Variants in DLGAP2 observed in about 807,000 individuals in gnomAD.
DLGAP2 encodes the protein DLG associated protein 2.
A neutral mutation model predicts 100.3 loss-of-function variants in DLGAP2; 26 were observed. The ratio of observed to expected loss-of-function variants is 0.26; its 90% CI spans 0.19 to 0.36. The LOEUF (loss-of-function observed/expected upper bound fraction) is 0.36, where lower values mean the gene tolerates loss of function less well. Among genes scored for constraint, DLGAP2 ranks in the 10% least tolerant of loss-of-function variants. The pLI is 1.00. For synonymous variants in DLGAP2, 886 were observed against 630.1 expected, an observed-to-expected ratio of 1.41 and a Z score of -6.08; for missense variants, 1,858 against 1,453.2, an observed-to-expected ratio of 1.28 and a Z score of -4.53.
At chr8:1,476,973 T>C (rs1410142591) in intron 3 of DLGAP2, among the ~76,000 whole-genome samples, 3 of 152,068 alleles carry the variant, frequency 2.0e-5, no homozygotes, top group African/African-American at 7.2e-5. Context: ...GACATTGTGA[T>C]CTGTATGCTT....
intron 1 of DLGAP2, among the ~76,000 whole-genome samples, chr8:899,824 C>T (rs1798214734): frequency 6.6e-6 from 1 of 152,166 alleles, no homozygotes; most frequent in South Asian, 2.1e-4. Context: ...GAAGCACATT[C>T]AGTGGCGTGG....
intron 2 of DLGAP2, among the ~76,000 whole-genome samples, chr8:1,097,568 G>C (rs1321092562): frequency 8.1e-6 from 1 of 123,988 alleles, no homozygotes. Context: ...CTGGGAGCCC[G>C]GGGCAGGCCT....
intron 2 of DLGAP2, among the ~76,000 whole-genome samples, chr8:1,172,827 G>C (rs1797158247): frequency 6.6e-6 from 1 of 152,080 alleles, no homozygotes; most frequent in Non-Finnish European, 1.5e-5. Flanking sequence ...CCTATGGTTT[G>C]AATTTCCTCC....
At chr8:1,465,598 C>A (rs541587828) in intron 3 of DLGAP2, among the ~76,000 whole-genome samples, 1 of 152,176 alleles carries the variant, frequency 6.6e-6, no homozygotes, top group Admixed American at 6.5e-5. Flanking sequence ...GGAACCTCCA[C>A]GGGTTCAGGT....
At chr8:1,211,043 G>C (rs934376212) in intron 2 of DLGAP2, among the ~76,000 whole-genome samples, 2 of 152,256 alleles carry the variant, frequency 1.3e-5, no homozygotes, top group Admixed American at 6.5e-5. Flanking sequence ...GGCAGGCTCG[G>C]CTCTTCCGCC....
At chr8:741,054 G>C (rs867337387) in intron 1 of DLGAP2, among the ~76,000 whole-genome samples, 6 of 152,218 alleles carry the variant, frequency 3.9e-5, no homozygotes, top group Non-Finnish European at 7.3e-5. Context: ...ATCAACCGTA[G>C]TTTTACCAAC....
At chr8:1,165,848 A>T (rs765654968) in intron 2 of DLGAP2, among the ~76,000 whole-genome samples, 2 of 148,676 alleles carry the variant, frequency 1.3e-5, no homozygotes, top group Non-Finnish European at 3.0e-5. Flanking sequence ...TTCCCACGTT[A>T]GATTTAAGGG....
At chr8:1,243,291 G>A (rs966981382) in intron 2 of DLGAP2, among the ~76,000 whole-genome samples, 1 of 152,156 alleles carries the variant, frequency 6.6e-6, no homozygotes, top group African/African-American at 2.4e-5. Flanking sequence ...CTGTAGAGGT[G>A]AGGCGGGAGC....
At chr8:1,169,149 C>A (rs1797076333) in intron 2 of DLGAP2, among the ~76,000 whole-genome samples, 1 of 151,602 alleles carries the variant, frequency 6.6e-6, no homozygotes, top group Non-Finnish European at 1.5e-5. Flanking sequence ...ATCCTTTCCC[C>A]ATTGCTTGTT....
rs1259257814 is a variant in DLGAP2 at position 1,668,585 on chromosome 8, C to G, written c.2067C>G (p.Ser689Arg). The change falls in exon 9 of 15, where the codon AGC becomes AGG. Residue 689 changes from serine (S) to arginine (R), a missense_variant. Coordinates refer to ENST00000637795, the MANE Select transcript of DLGAP2 (RefSeq NM_001346810.2). ...TAAAQRHLPESQSSSVRTSDK... is the reference protein window; with the variant it reads ...TAAAQRHLPERQSSSVRTSDK... ...CTGCCCAGCGCCACCTGCCAGAGAG[C>G]CAGAGCAGCTCTGTGCGGACCAGCG... The G allele has an allele frequency of 6.3e-7, 1 of 1,597,496 alleles. No homozygotes were observed. The highest frequency in any genetic ancestry group is 1.1e-5 in the South Asian group (1 of 87,792).
Position 889,756 on chromosome 8 carries a change from T to G in DLGAP2, c.19-18156T>G, listed in dbSNP as rs1392446706. Among the ~76,000 whole-genome samples, 6 of 152,148 alleles carry G rather than the reference T, an allele frequency of 3.9e-5. No individual in the cohort carries two copies. In the East Asian group the frequency reaches 1.2e-3, roughly 29 times the overall value. ...CCCCTCCCCAGGGAGTTAAAACAGCTTAGACAGCAGGCCGCTGCAGCCAGT... is the reference window on the plus strand; with the variant it reads ...CCCCTCCCCAGGGAGTTAAAACAGCGTAGACAGCAGGCCGCTGCAGCCAGT... On this transcript the variant is annotated intron_variant, in intron 1 of 14. Transcript: ENST00000637795.
chr8:1,204,199 T>A (rs531872536), intron 2 of DLGAP2, among the ~76,000 whole-genome samples: 1 of 152,206 alleles, frequency 6.6e-6, no homozygotes, highest in Non-Finnish European at 1.5e-5. Context: ...TCACAGAATA[T>A]CAGCGGGTTT....
At chr8:1,072,956 A>G (rs991256298) in intron 2 of DLGAP2, among the ~76,000 whole-genome samples, 3 of 152,190 alleles carry the variant, frequency 2.0e-5, no homozygotes, top group African/African-American at 7.2e-5. Context: ...GGGAGTTCCT[A>G]TGTGACACAT....
chr8:1,414,681 C>T (rs899145153), intron 3 of DLGAP2, among the ~76,000 whole-genome samples: 2 of 125,290 alleles, frequency 1.6e-5, no homozygotes, highest in African/African-American at 3.5e-5. Flanking sequence ...CTCAGCGTGT[C>T]TTGCCTTTAC....
chr8:1,017,587 C>G (rs1046744096), intron 2 of DLGAP2, among the ~76,000 whole-genome samples: 2 of 139,252 alleles, frequency 1.4e-5, no homozygotes, highest in African/African-American at 5.4e-5. Context: ...GACGACGCCT[C>G]CACTGTGTGT....
intron 2 of DLGAP2, among the ~76,000 whole-genome samples, chr8:1,005,003 T>C (rs1043026494): frequency 6.6e-6 from 1 of 152,124 alleles, no homozygotes. Context: ...GGGTCTTGTG[T>C]AGTGGTTGAA....
At chr8:1,210,870 C>G (rs1181129255) in intron 2 of DLGAP2, among the ~76,000 whole-genome samples, 1 of 152,224 alleles carries the variant, frequency 6.6e-6, no homozygotes, top group Non-Finnish European at 1.5e-5. Context: ...CCCTCCCTCC[C>G]AGATCCTCTG....
intron 2 of DLGAP2, among the ~76,000 whole-genome samples, chr8:1,170,047 G>A (rs937934986): frequency 1.5e-4 from 23 of 151,894 alleles, no homozygotes; most frequent in African/African-American, 4.8e-4. Context: ...ATTATTTTGA[G>A]ATACGTCCCA....
intron 3 of DLGAP2, among the ~76,000 whole-genome samples, chr8:1,490,106 G>C (rs771227037): frequency 2.0e-5 from 3 of 151,968 alleles, no homozygotes; most frequent in Non-Finnish European, 4.4e-5. Context: ...TGGCCAGGCT[G>C]GTCTTGAACT....
Sources: allele counts gnomAD v4.1 joint callset (sites outside exome capture counted in the v4.1 genomes callset), GRCh38; gene constraint gnomAD v4.1.1; transcripts MANE v1.5; gene names NCBI Gene and HGNC (gene_info 2026-07-23, HGNC 2026-07-21).